Variants in MTAP observed in about 807,000 individuals in gnomAD.
MTAP encodes methylthioadenosine phosphorylase.
Under a neutral mutation model 33.6 loss-of-function variants are expected in MTAP, and 33 were observed. That is an observed-to-expected ratio of 0.98 (90% CI 0.74 to 1.31). The LOEUF (loss-of-function observed/expected upper bound fraction) is 1.31, where lower values mean the gene tolerates loss of function less well. MTAP is among the 40% of genes most tolerant of loss of function. MTAP has a pLI of 0.00. For missense variants in MTAP, 367 were observed against 360.0 expected (o/e 1.02, Z -0.16); for synonymous variants, 148 against 125.7 (o/e 1.18, Z -1.19).
chr9:21,816,443 G>C (rs940659375), intron 2 of MTAP, among the ~76,000 whole-genome samples: 9 of 152,154 alleles, frequency 5.9e-5, no homozygotes, highest in Admixed American at 2.6e-4. Flanking sequence ...TCTACCATCA[G>C]AGTTCCCTGG....
chr9:21,818,899 G>T (rs1337958730), intron 4 of MTAP, among the ~76,000 whole-genome samples: 1 of 152,074 alleles, frequency 6.6e-6, no homozygotes, highest in Non-Finnish European at 1.5e-5. Flanking sequence ...CTGAAATTTT[G>T]TGCTTTGATC....
At position 21,846,182 on chromosome 9, in the gene MTAP, A is replaced by C. The variant is rs1825377370; in HGVS notation, c.450+8172A>C. Among the ~76,000 whole-genome samples the C allele has an allele frequency of 2.0e-5, 3 of 152,190 alleles. No homozygotes were observed. In the South Asian group the frequency reaches 6.2e-4, roughly 32 times the overall value. Reference sequence around the variant, plus strand: ...CTAGAAAATAACATCGGAAAAACCTATCTAGGCCTTGGCTTAGGCAAAGAG... The same window carrying C: ...CTAGAAAATAACATCGGAAAAACCTCTCTAGGCCTTGGCTTAGGCAAAGAG... On this transcript the variant is annotated intron_variant, in intron 5 of 7. Transcript: ENST00000644715.
chr9:21,904,077 ACTCGGCAGC>A (rs1462620202), intron 1 of MTAP, among the ~76,000 whole-genome samples: 2 of 152,118 alleles, frequency 1.3e-5, no homozygotes, highest in African/African-American at 4.8e-5. Flanking sequence ...GGGTCAGGCC[ACTCGGCAGC>A]CTGGGCGGCC....
chr9:21,867,368 CCA>C (rs1825870018), downstream of MTAP, among the ~76,000 whole-genome samples: 1 of 152,022 alleles, frequency 6.6e-6, no homozygotes, highest in Admixed American at 6.6e-5. Context: ...TCCTATTTTG[CCA>C]AGAGTGTCAT....
downstream of MTAP, among the ~76,000 whole-genome samples, chr9:21,869,776 C>G (rs992952812): frequency 1.3e-5 from 2 of 152,218 alleles, no homozygotes; most frequent in Non-Finnish European, 1.5e-5. Flanking sequence ...GAGCCACTCT[C>G]ATCTCACCTG....
chr9:21,897,635 C>A (rs1020288485), intron 1 of MTAP, among the ~76,000 whole-genome samples: 1 of 152,162 alleles, frequency 6.6e-6, no homozygotes, highest in African/African-American at 2.4e-5. Context: ...TTCACAATTG[C>A]TTCAAAGAGA....
chr9:21,830,568 A>C (rs1425206299), intron 4 of MTAP, among the ~76,000 whole-genome samples: 5 of 152,194 alleles, frequency 3.3e-5, no homozygotes, highest in Admixed American at 3.3e-4. Flanking sequence ...TTTGACCTTT[A>C]GTCTGTCCTA....
At position 21,928,634 on chromosome 9, in the gene MTAP, G is replaced by A. The variant is rs577524830; in HGVS notation, c.148-2374G>A. Among the ~76,000 whole-genome samples the A allele has an allele frequency of 1.9e-4, 29 of 152,212 alleles. No homozygotes were observed. The South Asian group carries it at 2.7e-3, about 14-fold the overall frequency. Reference sequence around the variant, plus strand: ...CTTTTTTTCCCCAAGTAACTTAACAGGTTAGTAATGCCCTAGGCATGAAGT... The same window carrying A: ...CTTTTTTTCCCCAAGTAACTTAACAAGTTAGTAATGCCCTAGGCATGAAGT... On this transcript the variant is annotated intron_variant, in intron 1 of 1. Transcript: ENST00000577563.
chr9:21,829,878 C>G (rs371667366), intron 4 of MTAP, among the ~76,000 whole-genome samples: 1 of 152,172 alleles, frequency 6.6e-6, no homozygotes, highest in Non-Finnish European at 1.5e-5. Flanking sequence ...AGGACTCTGA[C>G]AATGCTGGAA....
chr9:21,845,030 C>CA (rs35813212), intron 5 of MTAP, among the ~76,000 whole-genome samples: 68,546 of 121,318 alleles, frequency 0.57, 18,302 homozygotes, highest in East Asian at 0.71. Context: ...GACTCCGTCT[C>CA]AAAAAAAAAA....
rs1029046737 is a variant in MTAP at position 21,863,157 on chromosome 9, G to C, written c.*1143G>C. 1 of 968,350 alleles carries C rather than the reference G, an allele frequency of 1.0e-6. No individual in the cohort carries two copies. Among genetic ancestry groups the C allele is most frequent in the African/African-American group, 1.8e-5 (1 of 56,948 alleles). The allele number at this position is 968,350 out of a possible 1,614,324, so 60.0% of individuals were successfully genotyped here. On this transcript the variant is annotated 3_prime_UTR_variant, in exon 8 of 8. Coordinates refer to ENST00000644715, the MANE Select transcript of MTAP (RefSeq NM_002451.4). Reference sequence around the variant, plus strand: ...TAACTGAAAGTTTAACTATTTAAAAGACTAAATGCACATTTTATGGTATCT... The same window carrying C: ...TAACTGAAAGTTTAACTATTTAAAACACTAAATGCACATTTTATGGTATCT...
downstream of MTAP, among the ~76,000 whole-genome samples, chr9:21,867,462 T>C (rs1474162905): frequency 6.6e-6 from 1 of 152,188 alleles, no homozygotes; most frequent in Non-Finnish European, 1.5e-5. Context: ...TTTGTTAATG[T>C]AGATTCTTTA....
intron 4 of MTAP, among the ~76,000 whole-genome samples, chr9:21,819,521 T>G (rs1417165202): frequency 6.6e-6 from 1 of 152,232 alleles, no homozygotes; most frequent in East Asian, 1.9e-4. Context: ...GTGCCACATT[T>G]TCTTAATCCA....
At chr9:21,823,470 G>T (rs991598944) in intron 4 of MTAP, among the ~76,000 whole-genome samples, 4 of 152,194 alleles carry the variant, frequency 2.6e-5, no homozygotes, top group African/African-American at 9.7e-5. Flanking sequence ...TAGAGTTTCT[G>T]CCGAGAGATC....
intron 4 of MTAP, among the ~76,000 whole-genome samples, chr9:21,822,335 G>T (rs1010503405): frequency 6.6e-5 from 10 of 152,100 alleles, no homozygotes; most frequent in Admixed American, 3.3e-4. Context: ...TTGTGTATTT[G>T]TTCTCATTGG....
At chr9:21,808,592 CA>C (rs570936368) in intron 1 of MTAP, among the ~76,000 whole-genome samples, 359 of 133,688 alleles carry the variant, frequency 2.7e-3, no homozygotes, top group South Asian at 7.8e-3. Flanking sequence ...ACTCTGTTTC[CA>C]AAAAAAAAAA....
chr9:21,802,821 G>C, intron 1 of MTAP, 40 bp downstream of exon 1: 1 of 1,610,874 alleles, frequency 6.2e-7, no homozygotes, highest in African/African-American at 1.3e-5. Context: ...TCGCCCTGCC[G>C]GATGCCTTCT....
At chr9:21,910,032 C>A (rs1160349285) in intron 1 of MTAP, among the ~76,000 whole-genome samples, 1 of 152,004 alleles carries the variant, frequency 6.6e-6, no homozygotes, top group Non-Finnish European at 1.5e-5. Context: ...CCCATCTGGC[C>A]CGGGTCAGAA....
chr9:21,894,493 G>T (rs1298477804), intron 1 of MTAP, among the ~76,000 whole-genome samples: 1 of 150,420 alleles, frequency 6.6e-6, no homozygotes, highest in Non-Finnish European at 1.5e-5. Context: ...TTTGTACCTA[G>T]AAGACTCCAT....
Sources: gnomAD v4.1 joint callset for allele counts (sites outside exome capture counted in the v4.1 genomes callset) on GRCh38, gnomAD v4.1.1 for gene constraint, MANE v1.5 for transcripts, NCBI Gene and HGNC (gene_info 2026-07-23, HGNC 2026-07-21) for gene names.